The following ZNF730 variants were observed in gnomAD, a reference collection of about 807,000 sequenced individuals.
The protein encoded by ZNF730 is putative zinc finger protein 730.
Under a neutral mutation model 12.6 loss-of-function variants are expected in ZNF730, and 12 were observed. The ratio of observed to expected loss-of-function variants is 0.95; its 90% CI spans 0.61 to 1.54. The LOEUF is 1.54. ZNF730 is among the 40% of genes most tolerant of loss of function. The probability of loss-of-function intolerance (pLI) is 0.00; values close to 1 mark genes in which losing one functional copy is unlikely to be tolerated. For missense variants in ZNF730, 643 were observed against 583.5 expected (o/e 1.10, Z -1.05); for synonymous variants, 194 against 195.8 (o/e 0.99, Z 0.08).
At chr19:23,137,324 C>A in intron 3 of ZNF730, among the ~76,000 whole-genome samples, 1 of 151,662 alleles carries the variant, frequency 6.6e-6, no homozygotes, top group East Asian at 1.9e-4. Context: ...TAAATTTGTT[C>A]TCAGAAATTT....
chr19:23,079,743 T>C (rs1218501776), intron 1 of ZNF730, among the ~76,000 whole-genome samples: 4 of 152,280 alleles, frequency 2.6e-5, no homozygotes, highest in South Asian at 4.1e-4. Context: ...TAAAAGCAAA[T>C]ACTCACTAAA....
upstream of ZNF730, among the ~76,000 whole-genome samples, chr19:23,114,805 G>A (rs939495009): frequency 6.6e-6 from 1 of 151,814 alleles, no homozygotes; most frequent in South Asian, 2.1e-4. Flanking sequence ...TTTTTGAGAT[G>A]GGGTCTCATT....
chr19:23,078,271 G>T (rs1231670036), intron 1 of ZNF730, among the ~76,000 whole-genome samples: 2 of 151,844 alleles, frequency 1.3e-5, no homozygotes, highest in African/African-American at 4.8e-5. Flanking sequence ...ATAGTAGAAT[G>T]ATTTATATTA....
intron 1 of ZNF730, among the ~76,000 whole-genome samples, chr19:23,133,467 C>T (rs965789433): frequency 2.0e-5 from 3 of 152,096 alleles, no homozygotes; most frequent in African/African-American, 7.2e-5. Flanking sequence ...TCAGCCTTCC[C>T]GAGTAGCTGG....
chr19:23,090,306 G>A (rs1404019803), intron 1 of ZNF730, among the ~76,000 whole-genome samples: 3 of 151,956 alleles, frequency 2.0e-5, no homozygotes, highest in South Asian at 2.1e-4. Flanking sequence ...ACTTGGAACC[G>A]AAGCAAAGGT....
chr19:23,136,164 C>T, intron 3 of ZNF730, 121 bp downstream of exon 3: 1 of 686,398 alleles, frequency 1.5e-6, no homozygotes, highest in South Asian at 4.4e-5. Context: ...GTTTCTGTTT[C>T]TTTTTATTTA....
At chr19:23,098,754 C>T (rs1302425094) in intron 1 of ZNF730, among the ~76,000 whole-genome samples, 2 of 152,050 alleles carry the variant, frequency 1.3e-5, no homozygotes, top group African/African-American at 4.8e-5. Flanking sequence ...TTTTACATAT[C>T]ATTTGCCCAG....
At chr19:23,084,984 T>G (rs1970033187) in intron 1 of ZNF730, among the ~76,000 whole-genome samples, 1 of 152,230 alleles carries the variant, frequency 6.6e-6, no homozygotes, top group Non-Finnish European at 1.5e-5. Flanking sequence ...TACCCAGTAA[T>G]GAAATTACTG....
Position 23,102,389 on chromosome 19 carries a change from C to T in ZNF730, c.-94+27002C>T, listed in dbSNP as rs376857938. 1.3e-3 allele frequency among the ~76,000 whole-genome samples: 194 copies of T among 152,132 alleles called. 3 individuals carry two copies. In the South Asian group the frequency reaches 0.038, roughly 30 times the overall value. Reference sequence around the variant, plus strand: ...ATTGTGATGTACTCCTGGCCAAAAACCCAGGTGATGTGACTCTTATCTCTC... The same window carrying T: ...ATTGTGATGTACTCCTGGCCAAAAATCCAGGTGATGTGACTCTTATCTCTC... On this transcript the variant is annotated intron_variant, in intron 1 of 2. Coordinates refer to the ZNF730 transcript ENST00000593635.
At chr19:23,081,265 C>T (rs1969961612) in intron 1 of ZNF730, among the ~76,000 whole-genome samples, 1 of 151,940 alleles carries the variant, frequency 6.6e-6, no homozygotes, top group South Asian at 2.1e-4. Context: ...GTGCCTGAAC[C>T]TCCTGAGCAG....
At chr19:23,111,678 G>C (rs917593567) in intron 1 of ZNF730, among the ~76,000 whole-genome samples, 1 of 152,058 alleles carries the variant, frequency 6.6e-6, no homozygotes, top group Non-Finnish European at 1.5e-5. Context: ...GAACCCAGGA[G>C]GCGGAGGTTT....
intron 3 of ZNF730, 58 bp from the exon 4 acceptor site, chr19:23,145,213 T>G: frequency 8.2e-7 from 1 of 1,219,066 alleles, no homozygotes; most frequent in Non-Finnish European, 1.1e-6. Flanking sequence ...ATAGGTTAGG[T>G]TTATAAACTA....
intron 1 of ZNF730, among the ~76,000 whole-genome samples, chr19:23,094,721 A>T (rs906997986): frequency 6.6e-6 from 1 of 151,836 alleles, no homozygotes; most frequent in Admixed American, 6.6e-5. Flanking sequence ...TGATCCACCC[A>T]CCTCGGCCTC....
rs1215462620 is a variant in ZNF730, at chr19:23,075,876, C to T, written c.-94+489C>T. On this transcript the variant is annotated intron_variant, in intron 1 of 2. Transcript: ENST00000593635. ...TGCCGGGATTACAGGGTTGAGCCAC[C>T]GCGCCTGGCCTAATATATTAATTTA... Among the ~76,000 whole-genome samples the T allele has an allele frequency of 2.0e-5, 3 of 152,128 alleles. No individual in the cohort carries two copies. In the East Asian group the frequency reaches 5.8e-4, roughly 29 times the overall value.
intron 1 of ZNF730, chr19:23,099,991 T>C (rs1230668671): frequency 6.6e-6 from 1 of 152,230 alleles, no homozygotes; most frequent in Non-Finnish European, 1.5e-5. Context: ...ATAGGTGTAT[T>C]GTGACATATT....
upstream of ZNF730, among the ~76,000 whole-genome samples, chr19:23,116,714 C>T (rs113557591): frequency 1.3e-5 from 2 of 152,202 alleles, no homozygotes; most frequent in Non-Finnish European, 2.9e-5. Context: ...AGCCACCGCG[C>T]CCGGTCTATG....
At chr19:23,121,281 T>A (rs548712695) in intron 1 of ZNF730, among the ~76,000 whole-genome samples, 4 of 152,288 alleles carry the variant, frequency 2.6e-5, no homozygotes, top group African/African-American at 7.2e-5. Flanking sequence ...TCTAATAGTG[T>A]CCATGGGGTG....
upstream of ZNF730, among the ~76,000 whole-genome samples, chr19:23,114,319 T>TTG (rs1356908740): frequency 7.2e-6 from 1 of 138,818 alleles, no homozygotes; most frequent in Non-Finnish European, 1.5e-5. Flanking sequence ...TTTTTTTTTT[T>TTG]TTTTTGAGAC....
At position 23,126,826 on chromosome 19, in the gene ZNF730, T is replaced by C. The variant is rs540681632; in HGVS notation, c.4-7254T>C. On this transcript the variant is annotated intron_variant, in intron 1 of 3. Transcript: ENST00000597761. ...TTTGCTCTTGCTTTATCCAGTGCTA[T>C]ATTAGCATTTTCATAATCCAGTAGT... 5.6e-6 allele frequency: 3 copies of C among 539,570 alleles called. No homozygotes were observed. In the East Asian group the frequency reaches 1.5e-4, roughly 27 times the overall value. The allele number at this position is 539,570 out of a possible 1,614,324, so 33.4% of individuals were successfully genotyped here. A position where few individuals can be genotyped will look rare whatever the true frequency, so the allele number is the denominator to read the frequency against.
Sources: allele counts gnomAD v4.1 joint callset (sites outside exome capture counted in the v4.1 genomes callset), GRCh38; gene constraint gnomAD v4.1.1; transcripts MANE v1.5; gene names NCBI Gene and HGNC (gene_info 2026-07-23, HGNC 2026-07-21).